The following RARS2 variants were observed in gnomAD, a reference collection of about 807,000 sequenced individuals.
RARS2 encodes the protein arginyl-tRNA synthetase 2, mitochondrial.
A neutral mutation model predicts 88.5 loss-of-function variants in RARS2; 67 were observed. That is an observed-to-expected ratio of 0.76 (90% CI 0.62 to 0.93). The LOEUF is 0.93. Among genes scored for constraint, RARS2 ranks in the 40% least tolerant of loss-of-function variants. The pLI is 0.00. For missense variants in RARS2, 664 were observed against 684.2 expected (o/e 0.97, Z 0.33); for synonymous variants, 239 against 230.3 (o/e 1.04, Z -0.34).
intron 1 of RARS2, among the ~76,000 whole-genome samples, chr6:87,585,676 G>A (rs887352093): frequency 1.3e-5 from 2 of 152,066 alleles, no homozygotes; most frequent in African/African-American, 2.4e-5. Flanking sequence ...AGCTTGCAGT[G>A]AGCAGAGATC....
intron 4 of RARS2, 82 bp from the exon 5 acceptor site, chr6:87,555,587 A>G: frequency 9.0e-7 from 1 of 1,108,492 alleles, no homozygotes; most frequent in African/African-American, 1.5e-5. Flanking sequence ...AAATGTTGCC[A>G]ATTTGTTCAC....
intron 5 of RARS2, among the ~76,000 whole-genome samples, chr6:87,555,192 A>C (rs1320701907): frequency 6.6e-6 from 1 of 151,996 alleles, no homozygotes; most frequent in Admixed American, 6.6e-5. Context: ...AATACTTAAA[A>C]AAATAATAAT....
At chr6:87,568,238 T>G (rs988113746) in intron 2 of RARS2, among the ~76,000 whole-genome samples, 1 of 152,194 alleles carries the variant, frequency 6.6e-6, no homozygotes, top group Non-Finnish European at 1.5e-5. Context: ...TGGTTCATAC[T>G]TGTAATCCCA....
chr6:87,527,811 A>G (rs1776241661), intron 10 of RARS2, among the ~76,000 whole-genome samples: 1 of 152,006 alleles, frequency 6.6e-6, no homozygotes. Context: ...CTAATGCAGG[A>G]ACAGAAAACC....
chr6:87,584,832 T>A (rs1311623079), intron 1 of RARS2: 1 of 388,244 alleles, frequency 2.6e-6, no homozygotes, highest in Non-Finnish European at 5.0e-6. Context: ...TTCTCTATGG[T>A]ATATACCATA....
At chr6:87,555,131 A>ATAAAT (rs1362738637) in intron 5 of RARS2, among the ~76,000 whole-genome samples, 12 of 150,968 alleles carry the variant, frequency 7.9e-5, no homozygotes, top group Non-Finnish European at 1.6e-4. Flanking sequence ...AAATAAATAA[A>ATAAAT]TAAATAAATA....
intron 13 of RARS2, 93 bp from the exon 14 acceptor site, chr6:87,519,800 C>A: frequency 6.9e-7 from 1 of 1,445,808 alleles, no homozygotes; most frequent in Non-Finnish European, 9.7e-7. Flanking sequence ...GAACTTTAAC[C>A]ATCAGAGCAG....
At chr6:87,564,465 C>A in intron 2 of RARS2, 1 of 489,760 alleles carries the variant, frequency 2.0e-6, no homozygotes. Context: ...CTAGACCAGC[C>A]TGGCCACATG....
At chr6:87,519,472 T>C in intron 14 of RARS2, 111 bp downstream of exon 14, 1 of 1,237,120 alleles carries the variant, frequency 8.1e-7, no homozygotes, top group Non-Finnish European at 1.2e-6. Flanking sequence ...TTGACAAAGT[T>C]AGTGACACTT....
At chr6:87,577,598 A>G (rs1771959700) in intron 1 of RARS2, among the ~76,000 whole-genome samples, 1 of 152,232 alleles carries the variant, frequency 6.6e-6, no homozygotes, top group Admixed American at 6.5e-5. Flanking sequence ...CAGCCAATTA[A>G]GCCATATATC....
chr6:87,537,356 C>G (rs2128092992), intron 8 of RARS2, among the ~76,000 whole-genome samples: 1 of 152,366 alleles, frequency 6.6e-6, no homozygotes. Flanking sequence ...TGGGGACATT[C>G]ACTGCATAGA....
chr6:87,562,653 G>GTGGCTA, intron 4 of RARS2, 49 bp downstream of exon 4: 1 of 1,398,150 alleles, frequency 7.2e-7, no homozygotes, highest in East Asian at 2.3e-5. Context: ...CACTGTGGCT[G>GTGGCTA]AAGCAGACAG....
At chr6:87,544,466 A>G (rs1307478920) in intron 7 of RARS2, among the ~76,000 whole-genome samples, 1 of 152,242 alleles carries the variant, frequency 6.6e-6, no homozygotes, top group Non-Finnish European at 1.5e-5. Context: ...ATAAGACAGG[A>G]GCCTTACCAT....
At chr6:87,542,845 A>G (rs1781434063) in intron 7 of RARS2, among the ~76,000 whole-genome samples, 1 of 151,802 alleles carries the variant, frequency 6.6e-6, no homozygotes, top group South Asian at 2.1e-4. Flanking sequence ...GGATAGCATT[A>G]GGAGATATAC....
At chr6:87,576,644 G>C (rs1192023302) in intron 1 of RARS2, among the ~76,000 whole-genome samples, 2 of 152,018 alleles carry the variant, frequency 1.3e-5, no homozygotes, top group African/African-American at 4.8e-5. Context: ...GGTACTCTCG[G>C]GAATTTAAAA....
chr6:87,520,363 T>A, intron 12 of RARS2, 107 bp from the exon 13 acceptor site: 1 of 861,202 alleles, frequency 1.2e-6, no homozygotes, highest in South Asian at 1.4e-5. Flanking sequence ...CAGACTAAAG[T>A]CGTCAATTGA....
intron 18 of RARS2, among the ~76,000 whole-genome samples, chr6:87,515,468 C>G (rs372580827): frequency 6.6e-6 from 1 of 151,230 alleles, no homozygotes; most frequent in Non-Finnish European, 1.5e-5. Flanking sequence ...TGCAGTGAGC[C>G]GAGATCACGC....
chr6:87,520,205 T>A lies in RARS2; in HGVS notation c.1087A>T (p.Ile363Phe). Residue 363 changes from isoleucine (I) to phenylalanine (F), a missense_variant, in exon 13 of 20, where the codon ATC becomes TTC. Physicochemically the swap from Ile to Phe is conservative, Grantham distance 21. Transcript: ENST00000369536. ...HFQQVFQMLK[I>F]MGYDWAERCQ... ...CTTTCTGCCCAGTCATATCCCATGA[T>A]CTTCAGCATTTGGAATACTTGCTGA... The A allele has an allele frequency of 6.2e-7, 1 of 1,613,638 alleles. No individual in the cohort carries two copies. The highest frequency in any genetic ancestry group is 1.1e-5 in the South Asian group (1 of 91,070).
Position 87,557,628 on chromosome 6 carries a change from C to T in RARS2, c.298-2123G>A, listed in dbSNP as rs1270067069. On this transcript the variant is annotated intron_variant, in intron 4 of 19. Transcript: ENST00000369536. ...CTGAAGTCCCTTTCGATCATCTGTC[C>T]TTATCCTAATTCCTTCCCTCCTTCC... Among the ~76,000 whole-genome samples the T allele has an allele frequency of 9.2e-5, 14 of 152,294 alleles. No homozygotes were observed. The South Asian group carries it at 2.9e-3, about 32-fold the overall frequency.
Sources: allele counts gnomAD v4.1 joint callset (sites outside exome capture counted in the v4.1 genomes callset), GRCh38; gene constraint gnomAD v4.1.1; transcripts MANE v1.5; gene names NCBI Gene and HGNC (gene_info 2026-07-23, HGNC 2026-07-21).